NAAA: variants seen among roughly 807,000 people sequenced by gnomAD.
The protein encoded by NAAA is N-acylethanolamine-hydrolyzing acid amidase.
Under a neutral mutation model 44.8 loss-of-function variants are expected in NAAA, and 39 were observed. The ratio of observed to expected loss-of-function variants is 0.87; its 90% CI spans 0.67 to 1.14. The LOEUF (loss-of-function observed/expected upper bound fraction) is 1.14. NAAA is among the 50% of genes most tolerant of loss of function. NAAA has a pLI of 0.00. For synonymous variants in NAAA, 178 were observed against 191.3 expected (o/e 0.93, Z 0.58); for missense variants, 460 against 467.8 (o/e 0.98, Z 0.15).
At chr4:75,913,415 T>C (rs2047988), downstream of NAAA, among the ~76,000 whole-genome samples, 115,479 of 151,888 alleles carry the variant, frequency 0.76, 44,960 homozygotes, top group African/African-American at 0.93. Flanking sequence ...GCAAAATAAC[T>C]CTCTCATGGA....
chr4:75,928,504 C>T (rs1011974837), intron 4 of NAAA, among the ~76,000 whole-genome samples: 12 of 151,958 alleles, frequency 7.9e-5, no homozygotes, highest in Non-Finnish European at 1.2e-4. Context: ...ACATGGGAAA[C>T]GAGGAGAGGG....
downstream of NAAA, among the ~76,000 whole-genome samples, chr4:75,912,649 C>T (rs868281260): frequency 3.3e-5 from 5 of 152,144 alleles, no homozygotes; most frequent in South Asian, 2.1e-4. Context: ...TGGCACATGC[C>T]GGTAATCTCA....
chr4:75,932,160 C>T (rs1450374269), intron 3 of NAAA, among the ~76,000 whole-genome samples: 11 of 152,142 alleles, frequency 7.2e-5, no homozygotes, highest in East Asian at 1.9e-4. Flanking sequence ...ACCCGGGAGG[C>T]GGAGGTTGCG....
intron 9 of NAAA, among the ~76,000 whole-genome samples, chr4:75,916,187 C>A (rs1171218953): frequency 6.6e-6 from 1 of 152,206 alleles, no homozygotes; most frequent in Non-Finnish European, 1.5e-5. Context: ...CACAAAGGGG[C>A]AGCATAGAGC....
At chr4:75,927,151 C>G (rs1349974145) in intron 4 of NAAA, among the ~76,000 whole-genome samples, 3 of 152,140 alleles carry the variant, frequency 2.0e-5, no homozygotes, top group Non-Finnish European at 2.9e-5. Flanking sequence ...CCACCTCACA[C>G]CCATTAAGAT....
At chr4:75,912,568 A>AG (rs1486447712), downstream of NAAA, among the ~76,000 whole-genome samples, 1 of 151,976 alleles carries the variant, frequency 6.6e-6, no homozygotes, top group Non-Finnish European at 1.5e-5. Context: ...AAAAAAAAAA[A>AG]AAAGAAATTT....
chr4:75,940,123 C>A lies in NAAA; in HGVS notation c.249G>T (p.Val83=), dbSNP rs1390288580. The change falls in exon 2 of 11, where the codon GTG becomes GTT. Residue 83 remains valine (V), a synonymous_variant. Transcript: ENST00000286733. Reference sequence around the variant, plus strand: ...GCAGGAAGCGCTCCAGCTCCAGGACCACTTTTCCGATTAACACGTGCACCC... The same window carrying A: ...GCAGGAAGCGCTCCAGCTCCAGGACAACTTTTCCGATTAACACGTGCACCC... ...PKWVHVLIGK[V]VLELERFLPQ... is the part of the protein sequence containing the mutation. 6.2e-7 allele frequency: 1 copy of A among 1,614,132 alleles called. No homozygotes were observed. Among genetic ancestry groups the A allele is most frequent in the Admixed American group, 1.7e-5 (1 of 60,014 alleles).
In NAAA at chr4:75,914,967, C is replaced by G; in HGVS notation, c.1017G>C (p.Thr339=). 6.2e-7 allele frequency: 1 copy of G among 1,613,006 alleles called. No individual in the cohort carries two copies. The highest frequency in any genetic ancestry group is 8.5e-7 in the Non-Finnish European group (1 of 1,179,142). ...TGTCTGGGCTACCGGCGCTCATTAC[C>G]GTAGTATAAATTGTGAAGCTGAAAA... is the stretch of plus-strand genomic sequence containing the variant. ...PVYNNFTIYT[T]VMSAGSPDKY... Residue 339 remains threonine, a synonymous_variant, in exon 10 of 11, where the codon ACG becomes ACC. Transcript: ENST00000286733.
chr4:75,920,862 T>C (rs1329823365), intron 6 of NAAA, 62 bp from the exon 7 acceptor site: 1 of 1,613,012 alleles, frequency 6.2e-7, no homozygotes, highest in Non-Finnish European at 8.5e-7. Context: ...AGAGGAGACA[T>C]ATGAACAAAT....
At chr4:75,928,974 A>G (rs1409698766) in intron 4 of NAAA, among the ~76,000 whole-genome samples, 54 of 136,646 alleles carry the variant, frequency 4.0e-4, no homozygotes, top group African/African-American at 1.4e-3. Flanking sequence ...TTTTTTTTTT[A>G]GTAGAGACGG....
At chr4:75,924,680 AATAT>A in intron 5 of NAAA, among the ~76,000 whole-genome samples, 1 of 152,230 alleles carries the variant, frequency 6.6e-6, no homozygotes, top group Non-Finnish European at 1.5e-5. Flanking sequence ...AGAAGAGCAT[AATAT>A]TATCTCCTAT....
downstream of NAAA, among the ~76,000 whole-genome samples, chr4:75,912,987 T>C (rs985318935): frequency 3.9e-5 from 6 of 152,126 alleles, no homozygotes; most frequent in Admixed American, 1.3e-4. Flanking sequence ...AGCGATGTTC[T>C]GTACCTGGAT....
intron 7 of NAAA, 35 bp downstream of exon 7, chr4:75,920,703 A>G: frequency 1.9e-6 from 3 of 1,613,778 alleles, no homozygotes; most frequent in Non-Finnish European, 2.5e-6. Context: ...GACCATAAGA[A>G]AACACTGCAA....
intron 4 of NAAA, among the ~76,000 whole-genome samples, chr4:75,930,776 C>T (rs966312461): frequency 6.6e-6 from 1 of 152,208 alleles, no homozygotes; most frequent in Non-Finnish European, 1.5e-5. Context: ...TTCTTCACTT[C>T]TAATGTCACT....
chr4:75,940,694 G>T lies in NAAA; in HGVS notation c.206+50C>A. The stretch of plus-strand genomic sequence containing the variant: ...CTCTGAGCAGCGCGCGTTTGACTCC[G>T]ACCCGCAGGGCCGGTGTCCCCGCAG... On this transcript the variant is annotated intron_variant, in intron 1 of 10. Transcript: ENST00000286733. 3 of 1,553,542 alleles carry T rather than the reference G, an allele frequency of 1.9e-6. No individual in the cohort carries two copies. The South Asian group carries it at 3.5e-5, about 18-fold the overall frequency.
chr4:75,918,610 C>T, intron 9 of NAAA, 151 bp downstream of exon 9: 1 of 667,814 alleles, frequency 1.5e-6, no homozygotes, highest in South Asian at 1.9e-5. Context: ...CTTTGTTTTG[C>T]TCGCAGCTGT....
Position 75,913,999 on chromosome 4 carries a change from A to G in NAAA, c.*376T>C. 1.0e-6 allele frequency: 1 copy of G among 983,034 alleles called. No individual in the cohort carries two copies. The highest frequency in any genetic ancestry group is 1.2e-6 in the Non-Finnish European group (1 of 827,782). The allele number at this position is 983,034 out of a possible 1,614,324, so 60.9% of individuals were successfully genotyped here. ...CAATGAACAGAGGTCTTGCCAGCTC[A>G]TTTCATTAGCGGAGAAGCAAAGGTA... On this transcript the variant is annotated 3_prime_UTR_variant, in exon 11 of 11. Transcript: ENST00000286733.
At chr4:75,934,966 T>C (rs1393493774) in intron 3 of NAAA, 1 of 152,054 alleles carries the variant, frequency 6.6e-6, no homozygotes, top group Non-Finnish European at 1.5e-5. Flanking sequence ...TAGCTCATTA[T>C]AGAACAATGG....
intron 5 of NAAA, among the ~76,000 whole-genome samples, chr4:75,923,563 A>G (rs1341453770): frequency 1.3e-5 from 2 of 150,354 alleles, no homozygotes; most frequent in Non-Finnish European, 3.0e-5. Context: ...TTTTTGAGAC[A>G]GAGTCTTGCT....
Sources: gnomAD v4.1 joint callset for allele counts (sites outside exome capture counted in the v4.1 genomes callset) on GRCh38, gnomAD v4.1.1 for gene constraint, MANE v1.5 for transcripts, NCBI Gene and HGNC (gene_info 2026-07-23, HGNC 2026-07-21) for gene names.